The following ACTR3C variants were observed in gnomAD, a reference collection of about 807,000 sequenced individuals.
The protein encoded by ACTR3C is actin related protein 3C.
ACTR3C carries 18 observed loss-of-function variants against 26.3 expected under a neutral mutation model. The observed-to-expected ratio is 0.68, with a 90% CI of 0.47 to 1.01. The LOEUF (loss-of-function observed/expected upper bound fraction) is 1.01. Ranked by LOEUF, ACTR3C falls within the 50% of genes least tolerant of loss-of-function variation. ACTR3C has a pLI of 0.00. For missense variants in ACTR3C, 184 were observed against 250.7 expected, an observed-to-expected ratio of 0.73 and a Z score of 1.80; for synonymous variants, 55 against 94.5, an observed-to-expected ratio of 0.58 and a Z score of 2.42.
At chr7:150,126,344 G>A in the ACTR3C span, among the ~76,000 whole-genome samples, 1 of 152,226 alleles carries the variant, frequency 6.6e-6, no homozygotes, top group Non-Finnish European at 1.5e-5. Context: ...GAAAGGGATT[G>A]CAGGCTCTGA....
chr7:150,037,449 C>T, the ACTR3C span, among the ~76,000 whole-genome samples: 4 of 50,632 alleles, frequency 7.9e-5, 1 homozygote, highest in Non-Finnish European at 1.4e-4. Flanking sequence ...ATCCCTGCCT[C>T]GCGGGGGGTG....
chr7:150,100,486 T>C, the ACTR3C span, among the ~76,000 whole-genome samples: 1 of 151,694 alleles, frequency 6.6e-6, no homozygotes, highest in Non-Finnish European at 1.5e-5. Flanking sequence ...TGCGAAAGAA[T>C]ATTTAGTTTC....
In ACTR3C at chr7:150,289,476, A is replaced by ACTG. The variant is rs1403803010; in HGVS notation, c.268_270dup (p.Gln90dup). 2 of 1,584,954 alleles carry ACTG rather than the reference A, an allele frequency of 1.3e-6. No individual in the cohort carries two copies. The highest frequency in any genetic ancestry group is 3.5e-5 in the Admixed American group (2 of 57,526). On this transcript the variant is annotated inframe_insertion, in exon 4 of 8. Transcript: ENST00000683684. ...TTAATGGCTTTTGCGGTCTCCAGTG[A>ACTG]CTGCTCAGGAGGGATTCCCACCTCC...
At chr7:150,266,553 G>T (rs1481732124) in intron 6 of ACTR3C, among the ~76,000 whole-genome samples, 1 of 151,938 alleles carries the variant, frequency 6.6e-6, no homozygotes, top group Non-Finnish European at 1.5e-5. Context: ...AAAAAAGCAT[G>T]AACCATAAAA....
the ACTR3C span, among the ~76,000 whole-genome samples, chr7:150,169,388 G>GAAAAAA: frequency 2.3e-4 from 28 of 120,116 alleles, no homozygotes; most frequent in East Asian, 7.0e-4. Flanking sequence ...ATTTCAAAAG[G>GAAAAAA]AAAAAAAAAA....
the ACTR3C span, among the ~76,000 whole-genome samples, chr7:150,166,064 C>G: frequency 1.3e-5 from 2 of 151,614 alleles, no homozygotes; most frequent in African/African-American, 4.9e-5. Flanking sequence ...GTGTGATGCA[C>G]CCAAATATTA....
chr7:149,931,852 C>T, the ACTR3C span, among the ~76,000 whole-genome samples: 6 of 152,066 alleles, frequency 3.9e-5, no homozygotes, highest in African/African-American at 1.4e-4. Flanking sequence ...TCATTTTAAA[C>T]TGAGTGTTTT....
the ACTR3C span, among the ~76,000 whole-genome samples, chr7:150,018,838 A>G: frequency 6.6e-6 from 1 of 150,408 alleles, no homozygotes; most frequent in Non-Finnish European, 1.5e-5. Flanking sequence ...GACTTTCAAG[A>G]TTTTCTGACA....
At chr7:150,255,298 T>C (rs1833141286) in intron 6 of ACTR3C, among the ~76,000 whole-genome samples, 1 of 140,966 alleles carries the variant, frequency 7.1e-6, no homozygotes, top group Non-Finnish European at 1.5e-5. Flanking sequence ...TGGAGCAGGA[T>C]AAATGGATCA....
At chr7:149,901,596 AAT>A in the ACTR3C span, among the ~76,000 whole-genome samples, 9 of 152,084 alleles carry the variant, frequency 5.9e-5, no homozygotes, top group Non-Finnish European at 8.8e-5. Flanking sequence ...TATAATGATG[AAT>A]CAAAACTAAT....
intron 6 of ACTR3C, among the ~76,000 whole-genome samples, chr7:150,256,765 G>GC (rs1833248018): frequency 7.1e-6 from 1 of 140,950 alleles, no homozygotes; most frequent in Non-Finnish European, 1.5e-5. Flanking sequence ...AATGAAAGTT[G>GC]TAAAAAAAAA....
intron 6 of ACTR3C, among the ~76,000 whole-genome samples, chr7:150,258,054 G>A (rs1238312402): frequency 6.6e-6 from 1 of 152,242 alleles, no homozygotes; most frequent in Non-Finnish European, 1.5e-5. Flanking sequence ...GGTTAATAGA[G>A]TGTCTGTAGT....
the ACTR3C span, among the ~76,000 whole-genome samples, chr7:150,078,475 C>T: frequency 6.7e-6 from 1 of 149,686 alleles, no homozygotes; most frequent in Non-Finnish European, 1.5e-5. Context: ...CTTTGTAGAT[C>T]CTCTTGCTCT....
chr7:150,057,660 C>T, the ACTR3C span, among the ~76,000 whole-genome samples: 5 of 152,204 alleles, frequency 3.3e-5, no homozygotes, highest in Non-Finnish European at 7.3e-5. Flanking sequence ...AAGCCTAGAA[C>T]TTCATAGGTA....
the ACTR3C span, among the ~76,000 whole-genome samples, chr7:150,072,564 G>A: frequency 0.01 from 1,452 of 141,148 alleles, 20 homozygotes; most frequent in African/African-American, 0.033. Flanking sequence ...GACCCAGGAC[G>A]CCTGGGCACC....
chr7:149,928,875 G>T, the ACTR3C span, among the ~76,000 whole-genome samples: 1 of 151,746 alleles, frequency 6.6e-6, no homozygotes, highest in Non-Finnish European at 1.5e-5. Flanking sequence ...AAAGAACATG[G>T]GAGTCAGCCT....
At chr7:150,135,659 C>T in the ACTR3C span, among the ~76,000 whole-genome samples, 3 of 152,190 alleles carry the variant, frequency 2.0e-5, no homozygotes, top group East Asian at 5.8e-4. Context: ...CACGGTTACA[C>T]ACCAAGGAAA....
the ACTR3C span, among the ~76,000 whole-genome samples, chr7:149,913,825 A>G: frequency 2.6e-5 from 4 of 151,130 alleles, no homozygotes; most frequent in Non-Finnish European, 5.9e-5. Context: ...TTAGCACGAT[A>G]TATCTATAAT....
At chr7:150,134,659 G>C in the ACTR3C span, among the ~76,000 whole-genome samples, 1 of 152,298 alleles carries the variant, frequency 6.6e-6, no homozygotes, top group Admixed American at 6.5e-5. Flanking sequence ...GACGCCACCA[G>C]AGGGGTCGCT....
Sources: gnomAD v4.1 joint callset for allele counts (sites outside exome capture counted in the v4.1 genomes callset) on GRCh38, gnomAD v4.1.1 for gene constraint, MANE v1.5 for transcripts, NCBI Gene and HGNC (gene_info 2026-07-23, HGNC 2026-07-21) for gene names.